SMG7: variants seen among roughly 807,000 people sequenced by gnomAD.
SMG7 encodes nonsense-mediated mRNA decay factor SMG7.
In SMG7, 34 loss-of-function variants were observed where a neutral mutation model predicts 148.2. The ratio of observed to expected loss-of-function variants is 0.23; its 90% CI spans 0.17 to 0.31. SMG7 has a LOEUF of 0.31. Among genes scored for constraint, SMG7 ranks in the 10% least tolerant of loss-of-function variants. The pLI, the probability that SMG7 is intolerant of heterozygous loss-of-function variation, is 1.00. For missense variants in SMG7, 1,114 were observed against 1,408.4 expected (o/e 0.79, Z 3.35); for synonymous variants, 492 against 515.1 (o/e 0.96, Z 0.61).
intron 1 of SMG7, among the ~76,000 whole-genome samples, chr1:183,491,407 TTCTG>T (rs1476727615): frequency 6.6e-6 from 1 of 152,248 alleles, no homozygotes; most frequent in African/African-American, 2.4e-5. Flanking sequence ...AGCTAGAACA[TTCTG>T]TCTAAGTCTT....
intron 3 of SMG7, chr1:183,516,231 TAGGGCCTG>T (rs1663500265): frequency 2.8e-6 from 1 of 351,494 alleles, no homozygotes; most frequent in African/African-American, 2.1e-5. Flanking sequence ...GCAGCTCTTT[TAGGGCCTG>T]TCAAAAAAAA....
At chr1:183,513,248 T>C (rs1203446162) in intron 2 of SMG7, 1 of 166,448 alleles carries the variant, frequency 6.0e-6, no homozygotes, top group African/African-American at 2.4e-5. Flanking sequence ...TTTCTATTAA[T>C]AATTAACCAA....
rs10911355 is a variant in SMG7 at position 183,531,044 on chromosome 1, C to T, written c.843+1511C>T. Among the ~76,000 whole-genome samples, 888 of 152,196 alleles carry T rather than the reference C, an allele frequency of 5.8e-3. 6 individuals are homozygous for T. Among genetic ancestry groups the T allele is most frequent in the African/African-American group, 0.019 (805 of 41,544 alleles). The stretch of plus-strand genomic sequence containing the variant: ...CTAAAATATACTTTGAAGTATCATT[C>T]CAGCACTCTAAAGTTAAACATAAAA... On this transcript the variant is annotated intron_variant, in intron 8 of 22. Transcript: ENST00000688051.
chr1:183,551,060 G>T lies in SMG7; in HGVS notation c.3320G>T (p.Gly1107Val). The T allele has an allele frequency of 1.2e-6, 2 of 1,614,002 alleles. No homozygotes were observed. Among genetic ancestry groups the T allele is most frequent in the Non-Finnish European group, 1.7e-6 (2 of 1,179,974 alleles). Residue 1107 changes from glycine to valine, a missense_variant, in exon 22 of 23, where the codon GGC (glycine) becomes GTC (valine). By Grantham distance (109) the Gly-to-Val change is moderately radical. Around this residue, in one of 4 missense-constraint regions of SMG7, gnomAD observed 788 missense variants for 894.5 expected, o/e 0.88. Transcript: ENST00000688051. ...KTDKPAMGGF[G>V]IDYLSATSSS... Reference sequence around the variant, plus strand: ...CATCCCTTAGCCATGGGTGGGTTTGGCATTGATTATCTCTCAGCAACGTCA... The same window carrying T: ...CATCCCTTAGCCATGGGTGGGTTTGTCATTGATTATCTCTCAGCAACGTCA...
At chr1:183,472,685 C>G in intron 1 of SMG7, 36 bp downstream of exon 1, 2 of 1,449,916 alleles carry the variant, frequency 1.4e-6, no homozygotes, top group Non-Finnish European at 1.8e-6. Flanking sequence ...GTAGGGGGAG[C>G]GGGCCGCAGG....
At chr1:183,516,875 G>T (rs1216622830) in intron 3 of SMG7, among the ~76,000 whole-genome samples, 1 of 152,186 alleles carries the variant, frequency 6.6e-6, no homozygotes, top group Non-Finnish European at 1.5e-5. Flanking sequence ...TAGAGCCTCA[G>T]AAGCTGATGT....
chr1:183,545,388 T>G, intron 16 of SMG7, 76 bp downstream of exon 16: 1 of 1,483,326 alleles, frequency 6.7e-7, no homozygotes, highest in South Asian at 1.2e-5. Context: ...TTAGAAATGC[T>G]CATTAAACTT....
intron 1 of SMG7, among the ~76,000 whole-genome samples, chr1:183,489,138 TAA>T (rs555571440): frequency 6.7e-6 from 1 of 149,686 alleles, no homozygotes; most frequent in Non-Finnish European, 1.5e-5. Context: ...AATTGAAGCT[TAA>T]AAAAAAAAGT....
At position 183,518,270 on chromosome 1, in the gene SMG7, A is replaced by G. The variant is rs149628435; in HGVS notation, c.312+450A>G. ...GCCTATAATCTCAATGCAAATGTCC[A>G]TAAGACCTTTAAAAAAAAAAACGCT... On this transcript the variant is annotated intron_variant, in intron 4 of 22. Transcript: ENST00000688051. Among the ~76,000 whole-genome samples, 17 of 152,126 alleles carry G rather than the reference A, an allele frequency of 1.1e-4. No homozygotes were observed. The East Asian group carries it at 3.1e-3, about 28-fold the overall frequency.
chr1:183,496,045 C>G, intron 1 of SMG7, among the ~76,000 whole-genome samples: 1 of 152,168 alleles, frequency 6.6e-6, no homozygotes, highest in East Asian at 1.9e-4. Context: ...CCAGTCCTAG[C>G]ACTTACCATC....
chr1:183,532,817 T>C (rs1667100382), intron 8 of SMG7, among the ~76,000 whole-genome samples: 1 of 152,206 alleles, frequency 6.6e-6, no homozygotes, highest in South Asian at 2.1e-4. Context: ...ATACATCTTG[T>C]ATAAAACAAT....
In SMG7 at chr1:183,551,206, G is replaced by C; in HGVS notation, c.3450+16G>C. 1 of 1,552,226 alleles carries C rather than the reference G, an allele frequency of 6.4e-7. No homozygotes were observed. The highest frequency in any genetic ancestry group is 8.7e-7 in the Non-Finnish European group (1 of 1,155,920). On this transcript the variant is annotated intron_variant, in intron 22 of 22. Transcript: ENST00000688051. Reference sequence around the variant, plus strand: ...AAGCCTAAAGGTGAGTAGATTTCAGGAACAAGAACCACAAGATTATTACAG... The same window carrying C: ...AAGCCTAAAGGTGAGTAGATTTCAGCAACAAGAACCACAAGATTATTACAG...
chr1:183,515,705 A>G (rs1174170027), intron 2 of SMG7, among the ~76,000 whole-genome samples, 169 bp from the exon 3 acceptor site: 2 of 152,032 alleles, frequency 1.3e-5, no homozygotes, highest in Non-Finnish European at 2.9e-5. Context: ...TCAAAAGTTG[A>G]AAGTCATTTG....
At chr1:183,496,340 A>C (rs779680486) in intron 1 of SMG7, among the ~76,000 whole-genome samples, 3 of 152,044 alleles carry the variant, frequency 2.0e-5, no homozygotes, top group African/African-American at 7.2e-5. Flanking sequence ...ATGTTTCTCT[A>C]TTGGATCTTT....
At chr1:183,491,168 C>T (rs963749275) in intron 1 of SMG7, among the ~76,000 whole-genome samples, 3 of 152,182 alleles carry the variant, frequency 2.0e-5, no homozygotes, top group Non-Finnish European at 1.5e-5. Context: ...TAAGTTTGTT[C>T]GCATGTCCGG....
intron 1 of SMG7, among the ~76,000 whole-genome samples, chr1:183,477,928 G>A (rs1389824021): frequency 1.3e-5 from 2 of 152,104 alleles, no homozygotes; most frequent in Non-Finnish European, 2.9e-5. Flanking sequence ...CAGCCACAGG[G>A]TTGTTTTCTA....
At chr1:183,502,672 C>T (rs1268854522) in intron 1 of SMG7, among the ~76,000 whole-genome samples, 1 of 152,046 alleles carries the variant, frequency 6.6e-6, no homozygotes, top group African/African-American at 2.4e-5. Flanking sequence ...TATATGAGGT[C>T]TCTGAATATT....
chr1:183,521,090 T>A lies in SMG7; in HGVS notation c.312+3270T>A, dbSNP rs1032064563. 4.0e-5 allele frequency among the ~76,000 whole-genome samples: 6 copies of A among 150,440 alleles called. No individual in the cohort carries two copies. The East Asian group carries it at 5.9e-4, about 15-fold the overall frequency. On this transcript the variant is annotated intron_variant, in intron 4 of 22. Transcript: ENST00000688051. Reference sequence around the variant, plus strand: ...TCACTTGCTTTTTTTTTTTTTTTTTTAAGACAGAGTCTTGCTCTGTTGCCC... The same window carrying A: ...TCACTTGCTTTTTTTTTTTTTTTTTAAAGACAGAGTCTTGCTCTGTTGCCC...
intron 4 of SMG7, among the ~76,000 whole-genome samples, chr1:183,522,880 TC>T (rs1017578609): frequency 2.0e-4 from 30 of 152,132 alleles, no homozygotes; most frequent in African/African-American, 7.2e-4. Flanking sequence ...GCTCAAGTGA[TC>T]CTTCCCCACC....
Sources: gnomAD v4.1 joint callset for allele counts (sites outside exome capture counted in the v4.1 genomes callset) on GRCh38, gnomAD v4.1.1 for gene constraint, gnomAD v4.1.1 regional missense constraint, MANE v1.5 for transcripts, NCBI Gene and HGNC (gene_info 2026-07-23, HGNC 2026-07-21) for gene names.